The following NSUN3 variants were observed in gnomAD, a reference collection of about 807,000 sequenced individuals.
NSUN3 encodes the protein tRNA (cytosine(34)-C(5))-methyltransferase, mitochondrial.
Under a neutral mutation model 36.8 loss-of-function variants are expected in NSUN3, and 24 were observed. The ratio of observed to expected loss-of-function variants is 0.65; its 90% CI spans 0.47 to 0.92. The LOEUF (loss-of-function observed/expected upper bound fraction) is 0.92. Among genes scored for constraint, NSUN3 ranks in the 40% least tolerant of loss-of-function variants. The pLI, the probability that NSUN3 is intolerant of heterozygous loss-of-function variation, is 0.00. For synonymous variants in NSUN3, 146 were observed against 145.2 expected (o/e 1.01, Z -0.04); for missense variants, 381 against 392.8 (o/e 0.97, Z 0.25).
At chr3:94,077,213 T>G (rs1452938123) in intron 2 of NSUN3, 1 of 666,148 alleles carries the variant, frequency 1.5e-6, no homozygotes, top group Non-Finnish European at 2.8e-6. Context: ...GAGTCGGGTG[T>G]TGCAGGAGGG....
At chr3:94,113,095 A>G (rs1292703737) in intron 5 of NSUN3, among the ~76,000 whole-genome samples, 1 of 152,008 alleles carries the variant, frequency 6.6e-6, no homozygotes, top group Non-Finnish European at 1.5e-5. Flanking sequence ...CAATCTCCTG[A>G]CCTCATGATC....
chr3:94,082,196 T>C (rs2077272215), intron 2 of NSUN3: 2 of 152,164 alleles, frequency 1.3e-5, no homozygotes, highest in South Asian at 2.1e-4. Context: ...GTAAGACTTA[T>C]AATAGTGGCG....
At chr3:94,064,336 CA>C (rs201453365) in intron 1 of NSUN3, 100 bp from the exon 2 acceptor site, 3 of 698,892 alleles carry the variant, frequency 4.3e-6, no homozygotes, top group Admixed American at 2.3e-5. Flanking sequence ...AGTAATTATC[CA>C]AAAAAAGTGT....
intron 2 of NSUN3, among the ~76,000 whole-genome samples, chr3:94,069,500 G>A (rs540908098): frequency 6.6e-6 from 1 of 152,222 alleles, no homozygotes; most frequent in East Asian, 1.9e-4. Context: ...GTAATCTACA[G>A]GGTTATATTA....
intron 2 of NSUN3, among the ~76,000 whole-genome samples, chr3:94,070,289 TC>T (rs2077220116): frequency 6.6e-6 from 1 of 151,954 alleles, no homozygotes; most frequent in South Asian, 2.1e-4. Context: ...TAGCAAGACC[TC>T]ATCTCTAGAA....
intron 5 of NSUN3, among the ~76,000 whole-genome samples, chr3:94,120,754 T>G (rs1560042278): frequency 6.6e-6 from 1 of 152,214 alleles, no homozygotes; most frequent in Non-Finnish European, 1.5e-5. Context: ...AATATCTCTT[T>G]AAGACCCTGC....
rs910340531 is a variant in NSUN3, at chr3:94,107,682, T to C, written c.743+12528T>C. On this transcript the variant is annotated intron_variant, in intron 5 of 5. Coordinates refer to ENST00000314622, the MANE Select transcript of NSUN3 (RefSeq NM_022072.5). Reference sequence around the variant, plus strand: ...CTCTGTTAGGTTTCCCTTTTGTTACTAGAAAGGCAGTGTAAGGGACAACTG... The same window carrying C: ...CTCTGTTAGGTTTCCCTTTTGTTACCAGAAAGGCAGTGTAAGGGACAACTG... Among the ~76,000 whole-genome samples, 6 of 152,160 alleles carry C rather than the reference T, an allele frequency of 3.9e-5. 1 individual carries two copies. The highest frequency in any genetic ancestry group is 1.3e-4 in the Admixed American group (2 of 15,266).
chr3:94,064,579 G>C, intron 2 of NSUN3, 33 bp downstream of exon 2: 1 of 1,303,642 alleles, frequency 7.7e-7, no homozygotes, highest in Non-Finnish European at 1.1e-6. Flanking sequence ...CTTTATGATG[G>C]AACAAAGTAC....
At chr3:94,069,935 G>C (rs955562781) in intron 2 of NSUN3, among the ~76,000 whole-genome samples, 2 of 151,992 alleles carry the variant, frequency 1.3e-5, no homozygotes, top group Admixed American at 1.3e-4. Flanking sequence ...TCAAAATTCA[G>C]TTATTCTTGT....
chr3:94,075,956 T>C, intron 2 of NSUN3: 8 of 1,539,184 alleles, frequency 5.2e-6, no homozygotes, highest in Non-Finnish European at 7.2e-6. Context: ...GTCTTCATCA[T>C]TATAAATGTT....
intron 3 of NSUN3, among the ~76,000 whole-genome samples, chr3:94,093,169 A>C (rs559381732): frequency 7.3e-4 from 111 of 151,780 alleles, no homozygotes; most frequent in African/African-American, 2.6e-3. Flanking sequence ...CTGCATTTGA[A>C]CTTTACTCAG....
chr3:94,073,099 A>G (rs2077232476), intron 2 of NSUN3, among the ~76,000 whole-genome samples: 1 of 152,174 alleles, frequency 6.6e-6, no homozygotes, highest in Non-Finnish European at 1.5e-5. Context: ...GATGGTTTCC[A>G]GCTTCATCCA....
chr3:94,129,789 G>A lies in NSUN3; in HGVS notation c.*3299G>A, dbSNP rs1407937578. The stretch of plus-strand genomic sequence containing the variant: ...TTTTGAGACAGAGTCTTGCTCTGTC[G>A]CCCAGGCTGGATGGCGTGCAGTGGC... On this transcript the variant is annotated 3_prime_UTR_variant, in exon 6 of 6. Transcript: ENST00000314622. 1.7e-4 allele frequency among the ~76,000 whole-genome samples: 20 copies of A among 116,466 alleles called. No individual in the cohort carries two copies. The highest frequency in any genetic ancestry group is 1.1e-3 in the Admixed American group (9 of 8,286). The allele number at this position is 116,466 out of a possible 152,430, so 76.4% of individuals were successfully genotyped here.
Position 94,084,322 on chromosome 3 carries a change from A to G in NSUN3, c.338A>G (p.Tyr113Cys), listed in dbSNP as rs776672505. 5 of 1,614,036 alleles carry G rather than the reference A, an allele frequency of 3.1e-6. No individual in the cohort carries two copies. In the African/African-American group the frequency reaches 5.3e-5, roughly 17 times the overall value. The change falls in exon 3 of 6, where the codon TAT (tyrosine) becomes TGT (cysteine). Residue 113 changes from tyrosine (Y) to cysteine (C), a missense_variant. Tyr to Cys is a radical substitution (Grantham distance 194). Transcript: ENST00000314622. ...ERHQIGNLKK[Y>C]YLLNAASLLP... is the part of the protein sequence containing the mutation. Reference sequence around the variant, plus strand: ...CACCAAATTGGAAACCTGAAAAAATATTATCTCCTAAATGCTGCTTCTCTT... The same window carrying G: ...CACCAAATTGGAAACCTGAAAAAATGTTATCTCCTAAATGCTGCTTCTCTT...
chr3:94,123,838 C>CA (rs1244042508), intron 5 of NSUN3, among the ~76,000 whole-genome samples: 2 of 152,104 alleles, frequency 1.3e-5, no homozygotes, highest in Admixed American at 6.6e-5. Flanking sequence ...TCTGAAATGG[C>CA]AAACTGTTCT....
intron 3 of NSUN3, among the ~76,000 whole-genome samples, chr3:94,085,612 AC>A (rs1258059152): frequency 6.6e-6 from 1 of 152,158 alleles, no homozygotes; most frequent in Admixed American, 6.5e-5. Flanking sequence ...TCAAAAAATT[AC>A]CTGGGTATGG....
At chr3:94,072,104 C>A (rs1460470461) in intron 2 of NSUN3, among the ~76,000 whole-genome samples, 2 of 152,132 alleles carry the variant, frequency 1.3e-5, no homozygotes, top group Non-Finnish European at 2.9e-5. Flanking sequence ...GTTGCAGCTG[C>A]TTCTATAGGC....
At chr3:94,126,012 A>G (rs2077484039) in intron 5 of NSUN3, among the ~76,000 whole-genome samples, 199 bp from the exon 6 acceptor site, 1 of 151,888 alleles carries the variant, frequency 6.6e-6, no homozygotes, top group South Asian at 2.1e-4. Context: ...GTGAGCCGAG[A>G]TGGCATCACT....
intron 3 of NSUN3, among the ~76,000 whole-genome samples, chr3:94,088,953 G>A (rs1246162452): frequency 2.6e-5 from 4 of 152,144 alleles, no homozygotes; most frequent in Non-Finnish European, 4.4e-5. Context: ...ACAGGCATGA[G>A]CCCCCACGCC....
Sources: allele counts gnomAD v4.1 joint callset (sites outside exome capture counted in the v4.1 genomes callset), GRCh38; gene constraint gnomAD v4.1.1; transcripts MANE v1.5; gene names NCBI Gene and HGNC (gene_info 2026-07-23, HGNC 2026-07-21).